The following VSIG1 variants were observed in gnomAD, a reference collection of about 807,000 sequenced individuals.
The protein encoded by VSIG1 is V-set and immunoglobulin domain-containing protein 1.
VSIG1 carries 11 observed loss-of-function variants against 20.1 expected under a neutral mutation model. The observed-to-expected ratio is 0.55, with a 90% confidence interval of 0.34 to 0.91. VSIG1 has a LOEUF of 0.91. Ranked by LOEUF, VSIG1 falls within the 40% of genes least tolerant of loss-of-function variation. The pLI is 0.02. For missense variants in VSIG1, 283 were observed against 298.8 expected, an observed-to-expected ratio of 0.95 and a Z score of 0.39; for synonymous variants, 126 against 116.7, an observed-to-expected ratio of 1.08 and a Z score of -0.52.
chrX:108,069,820 G>A (rs1310535700), intron 3 of VSIG1, among the ~76,000 whole-genome samples: 8 of 111,572 alleles, frequency 7.2e-5, no homozygotes, highest in African/African-American at 2.3e-4. Flanking sequence ...TTTCAGTGGA[G>A]GTATGAGAGG....
At chrX:108,050,867 T>C (rs2030771452) in intron 1 of VSIG1, among the ~76,000 whole-genome samples, 1 of 111,316 alleles carries the variant, frequency 9.0e-6, no homozygotes, top group Non-Finnish European at 1.9e-5. Context: ...GGTAGAACTC[T>C]GGAAGGTTGT....
At chrX:108,064,004 A>T (rs1360714860) in intron 2 of VSIG1, among the ~76,000 whole-genome samples, 2 of 112,495 alleles carry the variant, frequency 1.8e-5, no homozygotes, top group African/African-American at 6.5e-5. Context: ...GCCACACAGG[A>T]TCATGGGCCA....
intron 2 of VSIG1, among the ~76,000 whole-genome samples, chrX:108,060,704 C>A (rs1222587234): frequency 2.7e-5 from 3 of 111,838 alleles, no homozygotes; most frequent in South Asian, 3.8e-4. Flanking sequence ...AGTCGTTTGA[C>A]CTTTCAGTTG....
chrX:108,022,851 T>C, the VSIG1 span, among the ~76,000 whole-genome samples: 6 of 111,531 alleles, frequency 5.4e-5, no homozygotes, highest in African/African-American at 2.0e-4. Context: ...TCTTGCTCTA[T>C]TAGTTTATGT....
At chrX:108,026,234 A>T in the VSIG1 span, among the ~76,000 whole-genome samples, 5 of 111,758 alleles carry the variant, frequency 4.5e-5, no homozygotes, top group Non-Finnish European at 7.5e-5. Flanking sequence ...CTTTTTTCAG[A>T]GTCTGGTGCT....
At chrX:108,039,148 G>A in the VSIG1 span, among the ~76,000 whole-genome samples, 1 of 110,905 alleles carries the variant, frequency 9.0e-6, no homozygotes, top group Non-Finnish European at 1.9e-5. Flanking sequence ...TTCACACATG[G>A]GCTATACATT....
rs901043892 is a variant in VSIG1 at position 108,077,270 on chromosome X, G to T, written c.1053G>T (p.Glu351Asp). The T allele has an allele frequency of 8.3e-7, 1 of 1,210,289 alleles. No individual in the cohort carries two copies. Among genetic ancestry groups the T allele is most frequent in the African/African-American group, 1.7e-5 (1 of 57,195 alleles). The change falls in exon 7 of 7, where the codon GAG (glutamate) becomes GAT (aspartate). Residue 351 changes from glutamate to aspartate, a missense_variant. Transcript: ENST00000217957. ...VPDLDIELEL[E>D]PETQSELEPE... is the part of the protein sequence containing the mutation. ...ACCTTGACATCGAGCTGGAGCTGGAGCCAGAAACGCAGTCGGAATTGGAGC... is the reference window on the plus strand; with the variant it reads ...ACCTTGACATCGAGCTGGAGCTGGATCCAGAAACGCAGTCGGAATTGGAGC...
In VSIG1 at chrX:108,076,224, C is replaced by G. The variant is rs779307452; in HGVS notation, c.830+6C>G. 1 of 1,202,682 alleles carries G rather than the reference C, an allele frequency of 8.3e-7. No homozygotes were observed. The highest frequency in any genetic ancestry group is 1.8e-5 in the African/African-American group (1 of 57,045). ...AAGACCATCGCGGAACTTGAGTAAG[C>G]CTTCATTTTGTTGTCTTTACTTGAA... On this transcript the variant is annotated splice_donor_region_variant and intron_variant, in intron 6 of 6. Coordinates refer to ENST00000217957, the MANE Select transcript of VSIG1 (RefSeq NM_182607.5).
chrX:108,070,262 C>G (rs1268366622), intron 3 of VSIG1, among the ~76,000 whole-genome samples: 2 of 111,218 alleles, frequency 1.8e-5, no homozygotes, highest in Non-Finnish European at 3.8e-5. Flanking sequence ...TCCTCCCACC[C>G]CAATTCTGTT....
chrX:108,047,979 T>TATATATATATACAC (rs2030690793), intron 1 of VSIG1, among the ~76,000 whole-genome samples: 1 of 66,071 alleles, frequency 1.5e-5, no homozygotes, highest in Non-Finnish European at 2.7e-5. Flanking sequence ...TATATATATA[T>TATATATATATACAC]ATATATATAT....
chrX:108,029,077 T>C, the VSIG1 span, among the ~76,000 whole-genome samples: 1 of 112,357 alleles, frequency 8.9e-6, no homozygotes, highest in Non-Finnish European at 1.9e-5. Flanking sequence ...AAATAAAATA[T>C]GGGAAGTGCA....
chrX:108,072,699 T>C lies in VSIG1; in HGVS notation c.435T>C (p.Cys145=), dbSNP rs1469754697. The change falls in exon 4 of 7, where the codon TGT becomes TGC. Residue 145 remains cysteine, a synonymous_variant. Transcript: ENST00000217957. ...CAGTGAAACCTTCTAAGCCCCTTTG[T>C]AGCGTTCAAGGAAGACCAGAAACTG... The part of the protein sequence containing the change: ...SVLVKPSKPL[C]SVQGRPETGH... 2 of 1,211,565 alleles carry C rather than the reference T, an allele frequency of 1.7e-6. No individual in the cohort carries two copies. The highest frequency in any genetic ancestry group is 2.2e-5 in the Admixed American group (1 of 46,054).
the VSIG1 span, among the ~76,000 whole-genome samples, chrX:108,021,506 T>A: frequency 8.9e-6 from 1 of 112,592 alleles, no homozygotes; most frequent in East Asian, 2.8e-4. Context: ...ATTCCTTTTG[T>A]TGTCTTTTCA....
At chrX:108,046,043 A>T (rs1408499346) in intron 1 of VSIG1, among the ~76,000 whole-genome samples, 1 of 111,610 alleles carries the variant, frequency 9.0e-6, no homozygotes, top group African/African-American at 3.3e-5. Flanking sequence ...AGAATAAATT[A>T]CTAGAAGGTT....
At chrX:108,030,245 T>C in the VSIG1 span, among the ~76,000 whole-genome samples, 1 of 111,903 alleles carries the variant, frequency 8.9e-6, no homozygotes, top group South Asian at 3.8e-4. Flanking sequence ...AATTCTCTGC[T>C]CTTGGAGACC....
upstream of VSIG1, chrX:108,045,015 G>A: frequency 1.9e-6 from 1 of 519,031 alleles, no homozygotes; most frequent in East Asian, 4.0e-5. Flanking sequence ...TGTTTGCTTG[G>A]CGATGCCCAG....
chrX:108,035,645 C>T, the VSIG1 span, among the ~76,000 whole-genome samples: 1 of 111,541 alleles, frequency 9.0e-6, no homozygotes, highest in African/African-American at 3.3e-5. Flanking sequence ...CATGCAATGA[C>T]CCACAGTCTC....
chrX:108,019,824 G>A, the VSIG1 span, among the ~76,000 whole-genome samples: 56 of 111,498 alleles, frequency 5.0e-4, no homozygotes, highest in Middle Eastern at 4.6e-3. Context: ...CAGTTTCCAG[G>A]GAACTTTCTA....
At chrX:108,059,649 G>A (rs2030980679) in intron 2 of VSIG1, among the ~76,000 whole-genome samples, 1 of 112,184 alleles carries the variant, frequency 8.9e-6, no homozygotes, top group Non-Finnish European at 1.9e-5. Context: ...AAGATGTCCA[G>A]ACCCAAGGCC....
Sources: gnomAD v4.1 joint callset for allele counts (sites outside exome capture counted in the v4.1 genomes callset) on GRCh38, gnomAD v4.1.1 for gene constraint, MANE v1.5 for transcripts, NCBI Gene and HGNC (gene_info 2026-07-23, HGNC 2026-07-21) for gene names.